MYZAP: variants seen among roughly 807,000 people sequenced by gnomAD.
The protein encoded by MYZAP is myocardial zonula adherens protein.
MYZAP carries 66 observed loss-of-function variants against 69.4 expected under a neutral mutation model. The observed-to-expected ratio is 0.95, with a 90% confidence interval of 0.78 to 1.17. MYZAP has a LOEUF of 1.17. MYZAP is among the 50% of genes most tolerant of loss of function. MYZAP has a pLI of 0.00. For synonymous variants in MYZAP, 256 were observed against 205.9 expected, an observed-to-expected ratio of 1.24 and a Z score of -2.09; for missense variants, 611 against 556.2, an observed-to-expected ratio of 1.10 and a Z score of -0.99.
intron 12 of MYZAP, among the ~76,000 whole-genome samples, chr15:57,679,895 G>T (rs1281337559): frequency 6.6e-6 from 1 of 152,172 alleles, no homozygotes; most frequent in Non-Finnish European, 1.5e-5. Flanking sequence ...TCATGGCCGA[G>T]TGCGCCATCT....
At chr15:57,616,323 G>A (rs1053136606) in intron 2 of MYZAP, among the ~76,000 whole-genome samples, 4 of 152,172 alleles carry the variant, frequency 2.6e-5, no homozygotes, top group Admixed American at 1.3e-4. Flanking sequence ...GAGACCAGAT[G>A]GTGAAACCTT....
At chr15:57,664,070 GT>G (rs35632598) in intron 11 of MYZAP, among the ~76,000 whole-genome samples, 19,596 of 141,384 alleles carry the variant, frequency 0.14, 2,810 homozygotes, top group African/African-American at 0.37. Flanking sequence ...TTCTGTTCTT[GT>G]TTTTTTTTTT....
chr15:57,669,812 T>C (rs187641499), intron 11 of MYZAP, among the ~76,000 whole-genome samples: 6 of 152,276 alleles, frequency 3.9e-5, no homozygotes, highest in African/African-American at 1.4e-4. Flanking sequence ...TTCACCTGCA[T>C]CTCACAAGCT....
chr15:57,627,274 T>C (rs1482502693), intron 5 of MYZAP, among the ~76,000 whole-genome samples: 1 of 151,868 alleles, frequency 6.6e-6, no homozygotes, highest in African/African-American at 2.4e-5. Flanking sequence ...GCACCTTGAC[T>C]GATTCCTAGT....
intron 8 of MYZAP, among the ~76,000 whole-genome samples, chr15:57,636,572 A>G (rs2036829960): frequency 6.6e-6 from 1 of 152,244 alleles, no homozygotes; most frequent in African/African-American, 2.4e-5. Context: ...TTCTTAGAGA[A>G]GGACCTAAAG....
chr15:57,641,446 A>C (rs1203680989), intron 10 of MYZAP, among the ~76,000 whole-genome samples: 1 of 152,224 alleles, frequency 6.6e-6, no homozygotes, highest in Non-Finnish European at 1.5e-5. Flanking sequence ...GTAGGGATGC[A>C]TATAAAGATC....
At chr15:57,606,452 G>A (rs917543568) in intron 2 of MYZAP, among the ~76,000 whole-genome samples, 2 of 152,008 alleles carry the variant, frequency 1.3e-5, no homozygotes. Flanking sequence ...TTGCAGATAA[G>A]AGACTAAAGA....
At position 57,623,461 on chromosome 15, in the gene MYZAP, G is replaced by C. The variant is rs192679612; in HGVS notation, c.411+1761G>C. On this transcript the variant is annotated intron_variant, in intron 4 of 12. Transcript: ENST00000267853. ...CAAGTAGAGGAAAGTGGACAGGCACGGTGGCTCACGCTTATGATCACAGCA... is the reference window on the plus strand; with the variant it reads ...CAAGTAGAGGAAAGTGGACAGGCACCGTGGCTCACGCTTATGATCACAGCA... Among the ~76,000 whole-genome samples, 7 of 152,252 alleles carry C rather than the reference G, an allele frequency of 4.6e-5. No individual in the cohort carries two copies. The South Asian group carries it at 1.0e-3, about 23-fold the overall frequency.
chr15:57,646,492 G>C (rs1045953574), intron 10 of MYZAP: 38 of 1,031,234 alleles, frequency 3.7e-5, no homozygotes, highest in Non-Finnish European at 4.3e-5. Context: ...AATGAAAAAG[G>C]CTACTGAAAA....
At chr15:57,629,572 G>T (rs1174835977) in intron 5 of MYZAP, 130 bp from the exon 6 acceptor site, 7 of 1,275,858 alleles carry the variant, frequency 5.5e-6, no homozygotes, top group Non-Finnish European at 2.1e-6. Context: ...CAGGGTCCCA[G>T]ACTGGCAGTT....
chr15:57,610,724 T>C (rs2035051344), intron 2 of MYZAP, among the ~76,000 whole-genome samples: 1 of 152,120 alleles, frequency 6.6e-6, no homozygotes, highest in African/African-American at 2.4e-5. Context: ...CGGGTGGAGC[T>C]GAAATAAGAT....
chr15:57,677,272 T>A (rs2039189652), intron 12 of MYZAP, among the ~76,000 whole-genome samples: 1 of 152,210 alleles, frequency 6.6e-6, no homozygotes, highest in South Asian at 2.1e-4. Context: ...AGCTTTTAGT[T>A]TGTTTTGTCT....
chr15:57,624,430 A>G (rs1238309498), intron 4 of MYZAP, among the ~76,000 whole-genome samples: 3 of 152,168 alleles, frequency 2.0e-5, no homozygotes, highest in African/African-American at 4.8e-5. Context: ...ATGTAAATTT[A>G]TCTACCTAGC....
intron 4 of MYZAP, among the ~76,000 whole-genome samples, chr15:57,624,883 C>T (rs1317985241): frequency 6.6e-6 from 1 of 152,126 alleles, no homozygotes; most frequent in Non-Finnish European, 1.5e-5. Context: ...CTCTGCTGTG[C>T]CGGGGCTGCT....
At chr15:57,681,727 T>A (rs568285897) in intron 12 of MYZAP, among the ~76,000 whole-genome samples, 1 of 151,986 alleles carries the variant, frequency 6.6e-6, no homozygotes, top group Non-Finnish European at 1.5e-5. Flanking sequence ...AGAGGTTGCA[T>A]TGAGCTGAGA....
At chr15:57,628,061 C>G (rs1419666035) in intron 5 of MYZAP, among the ~76,000 whole-genome samples, 1 of 152,138 alleles carries the variant, frequency 6.6e-6, no homozygotes, top group Non-Finnish European at 1.5e-5. Context: ...GCTTCAGAGA[C>G]TGATCATCTA....
intron 7 of MYZAP, 54 bp downstream of exon 7, chr15:57,632,613 T>G (rs2036575777): frequency 1.9e-6 from 3 of 1,607,948 alleles, no homozygotes; most frequent in Admixed American, 1.7e-5. Context: ...TGGTTCATTA[T>G]TGTTGGTGAT....
intron 11 of MYZAP, among the ~76,000 whole-genome samples, chr15:57,665,661 C>G (rs2038532387): frequency 6.6e-6 from 1 of 152,166 alleles, no homozygotes; most frequent in African/African-American, 2.4e-5. Context: ...CAGCACTGTG[C>G]TGGAGCTGCT....
intron 11 of MYZAP, among the ~76,000 whole-genome samples, chr15:57,672,252 A>G (rs1206679486): frequency 6.6e-6 from 1 of 152,152 alleles, no homozygotes; most frequent in African/African-American, 2.4e-5. Context: ...CCCCAGAAAG[A>G]TGATCTTTCT....
Sources: allele counts gnomAD v4.1 joint callset (sites outside exome capture counted in the v4.1 genomes callset), GRCh38; gene constraint gnomAD v4.1.1; transcripts MANE v1.5; gene names NCBI Gene and HGNC (gene_info 2026-07-23, HGNC 2026-07-21).